The following RANBP2 variants were observed in gnomAD, a reference collection of about 807,000 sequenced individuals.
RANBP2 encodes RAN binding protein 2, also known as E3 SUMO-protein ligase RanBP2.
In RANBP2, 57 loss-of-function variants were observed where a neutral mutation model predicts 303.6. The observed-to-expected ratio is 0.19, with a 90% CI of 0.15 to 0.23. The LOEUF is 0.23. Among genes scored for constraint, RANBP2 ranks in the 10% least tolerant of loss-of-function variants. The probability of loss-of-function intolerance (pLI) is 1.00; values close to 1 mark genes in which losing one functional copy is unlikely to be tolerated. For missense variants in RANBP2, 3,138 were observed against 3,780.8 expected (o/e 0.83, Z 4.46); for synonymous variants, 1,167 against 1,301.5 (o/e 0.90, Z 2.23).
chr2:109,398,695 G>A, the RANBP2 span: 19 of 1,611,312 alleles, frequency 1.2e-5, no homozygotes, highest in South Asian at 1.8e-4. Flanking sequence ...TGTGGCCAGC[G>A]TGGCCCCAAG....
At chr2:109,019,013 T>C in the RANBP2 span, among the ~76,000 whole-genome samples, 1 of 152,218 alleles carries the variant, frequency 6.6e-6, no homozygotes, top group Non-Finnish European at 1.5e-5. Context: ...GGACGTGTGA[T>C]TGTAGTCACA....
the RANBP2 span, among the ~76,000 whole-genome samples, chr2:109,058,665 C>T: frequency 2.0e-5 from 3 of 152,222 alleles, no homozygotes; most frequent in Admixed American, 6.5e-5. Flanking sequence ...AGGAAACGTC[C>T]TGTAAGGAGT....
chr2:109,712,984 G>A, the RANBP2 span, among the ~76,000 whole-genome samples: 1 of 152,108 alleles, frequency 6.6e-6, no homozygotes, highest in Non-Finnish European at 1.5e-5. Context: ...CCTGAGACAA[G>A]GAGAAAACTT....
chr2:108,759,540 T>G (rs1353901169), intron 18 of RANBP2, among the ~76,000 whole-genome samples: 1 of 152,192 alleles, frequency 6.6e-6, no homozygotes, highest in African/African-American at 2.4e-5. Context: ...AAATCTAGTT[T>G]AGATGAGCAC....
At chr2:108,990,379 C>T in the RANBP2 span, among the ~76,000 whole-genome samples, 1 of 141,014 alleles carries the variant, frequency 7.1e-6, no homozygotes, top group African/African-American at 2.7e-5. Context: ...TGCAGTGAGC[C>T]GAGATTGCGC....
the RANBP2 span, among the ~76,000 whole-genome samples, chr2:109,153,412 C>T: frequency 8.5e-5 from 13 of 152,076 alleles, no homozygotes; most frequent in South Asian, 2.3e-3. Context: ...TGATTTTGCC[C>T]AAAATTTGGA....
chr2:109,214,135 G>C, the RANBP2 span, among the ~76,000 whole-genome samples: 2 of 152,220 alleles, frequency 1.3e-5, no homozygotes, highest in African/African-American at 4.8e-5. Context: ...GTGCCCCCAT[G>C]CTGCGTCTAG....
chr2:108,826,651 T>G, the RANBP2 span, among the ~76,000 whole-genome samples: 1 of 152,226 alleles, frequency 6.6e-6, no homozygotes, highest in Non-Finnish European at 1.5e-5. Flanking sequence ...GATTCATTAC[T>G]GTAGCTTTGT....
chr2:109,329,169 A>G, the RANBP2 span, among the ~76,000 whole-genome samples: 1 of 151,864 alleles, frequency 6.6e-6, no homozygotes, highest in Admixed American at 6.6e-5. Context: ...TTCTCTGCGC[A>G]TTTGTTTGGT....
the RANBP2 span, among the ~76,000 whole-genome samples, chr2:109,404,048 C>T: frequency 6.6e-6 from 1 of 152,192 alleles, no homozygotes; most frequent in Non-Finnish European, 1.5e-5. Context: ...CATCTCTAGT[C>T]ACTGCTTTCT....
At chr2:109,014,440 G>A in the RANBP2 span, among the ~76,000 whole-genome samples, 1 of 152,232 alleles carries the variant, frequency 6.6e-6, no homozygotes, top group African/African-American at 2.4e-5. Flanking sequence ...GTTCATATCT[G>A]TTGAGCAAGG....
At chr2:109,733,870 A>T in the RANBP2 span, among the ~76,000 whole-genome samples, 105 of 139,090 alleles carry the variant, frequency 7.5e-4, no homozygotes, top group Middle Eastern at 3.8e-3. Context: ...AGATCCTGAT[A>T]AAAAAAAAAA....
Position 108,783,681 on chromosome 2 carries a change from A to T in RANBP2, c.9455A>T (p.His3152Leu). ...KFEDENFDVK[H>L]TGPGLLSMAN... ...GAAGATGAAAATTTTGATGTGAAAC[A>T]TACTGGTCCTGGTTTACTATCCATG... The change falls in exon 29 of 29, where the codon CAT becomes CTT. Residue 3152 changes from histidine (H) to leucine (L), a missense_variant. Around this residue, in one of 20 missense-constraint regions of RANBP2, gnomAD observed 204 missense variants for 228.4 expected, o/e 0.89. Coordinates refer to ENST00000283195, the MANE Select transcript of RANBP2 (RefSeq NM_006267.5). 2 of 1,610,266 alleles carry T rather than the reference A, an allele frequency of 1.2e-6. No homozygotes were observed. The highest frequency in any genetic ancestry group is 1.7e-6 in the Non-Finnish European group (2 of 1,176,478).
the RANBP2 span, among the ~76,000 whole-genome samples, chr2:108,865,216 AATTC>A: frequency 3.9e-5 from 6 of 152,150 alleles, no homozygotes; most frequent in African/African-American, 1.4e-4. Flanking sequence ...CTTCAATTAA[AATTC>A]ATTCATTTAA....
chr2:108,886,968 T>C, the RANBP2 span, among the ~76,000 whole-genome samples: 18 of 152,146 alleles, frequency 1.2e-4, no homozygotes, highest in Admixed American at 1.2e-3. Flanking sequence ...ATTCTTTCCC[T>C]GAGAGTTTTC....
At chr2:109,065,306 T>C in the RANBP2 span, among the ~76,000 whole-genome samples, 4 of 152,220 alleles carry the variant, frequency 2.6e-5, no homozygotes, top group African/African-American at 9.7e-5. Context: ...TTTTTTTTGC[T>C]TGCTTGCTGT....
At chr2:109,414,112 T>C in the RANBP2 span, among the ~76,000 whole-genome samples, 1 of 152,198 alleles carries the variant, frequency 6.6e-6, no homozygotes. Flanking sequence ...CTTGGCCTCC[T>C]TCAGGGCCCT....
chr2:108,839,312 A>G, the RANBP2 span: 7 of 1,603,466 alleles, frequency 4.4e-6, no homozygotes, highest in South Asian at 6.7e-5. Flanking sequence ...GTAATTGGTT[A>G]ATAGGAATTT....
the RANBP2 span, among the ~76,000 whole-genome samples, chr2:108,791,966 A>G: frequency 1.3e-5 from 2 of 152,332 alleles, no homozygotes; most frequent in African/African-American, 4.8e-5. Flanking sequence ...TATTAAACTA[A>G]AGGAGCAGAG....
Sources: gnomAD v4.1 joint callset for allele counts (sites outside exome capture counted in the v4.1 genomes callset) on GRCh38, gnomAD v4.1.1 for gene constraint, gnomAD v4.1.1 regional missense constraint, MANE v1.5 for transcripts, NCBI Gene and HGNC (gene_info 2026-07-23, HGNC 2026-07-21) for gene names.